The following FTO variants were observed in gnomAD, a reference collection of about 807,000 sequenced individuals.
FTO encodes the protein FTO alpha-ketoglutarate dependent dioxygenase.
A neutral mutation model predicts 63.9 loss-of-function variants in FTO; 47 were observed. The observed-to-expected ratio is 0.74, with a 90% CI of 0.58 to 0.94. FTO has a LOEUF of 0.94. Ranked by LOEUF, FTO falls within the 40% of genes least tolerant of loss-of-function variation. FTO has a pLI of 0.00. For synonymous variants in FTO, 207 were observed against 224.4 expected (o/e 0.92, Z 0.69); for missense variants, 562 against 618.1 (o/e 0.91, Z 0.96).
At chr16:53,783,254 G>A (rs2077632987) in intron 1 of FTO, among the ~76,000 whole-genome samples, 1 of 152,040 alleles carries the variant, frequency 6.6e-6, no homozygotes, top group Non-Finnish European at 1.5e-5. Context: ...GCCTGAGGTG[G>A]GTGAATCATG....
rs886870600 is a variant in FTO, at chr16:53,904,036, T to C, written c.1239+15085T>C. ...CATATATAAACATAGACAATATACA[T>C]ATATGTTATCTATATACATGTGTAT... is the stretch of plus-strand genomic sequence containing the variant. On this transcript the variant is annotated intron_variant, in intron 7 of 8. Transcript: ENST00000471389. Among the ~76,000 whole-genome samples the C allele has an allele frequency of 1.4e-4, 22 of 151,860 alleles. 1 individual carries two copies. Among genetic ancestry groups the C allele is most frequent in the African/African-American group, 4.6e-4 (19 of 41,424 alleles).
At chr16:53,728,352 A>C (rs2076198276) in intron 1 of FTO, among the ~76,000 whole-genome samples, 1 of 152,158 alleles carries the variant, frequency 6.6e-6, no homozygotes, top group African/African-American at 2.4e-5. Flanking sequence ...ATTCTTGCTT[A>C]TGACATCACG....
At chr16:53,828,010 C>A (rs9923295) in intron 3 of FTO, among the ~76,000 whole-genome samples, 3 of 152,078 alleles carry the variant, frequency 2.0e-5, no homozygotes, top group South Asian at 2.1e-4. Flanking sequence ...TACTCCCTTC[C>A]CGTGGGTGAT....
intron 8 of FTO, among the ~76,000 whole-genome samples, chr16:54,077,541 C>G (rs1457462419): frequency 2.0e-5 from 3 of 152,148 alleles, no homozygotes; most frequent in African/African-American, 7.2e-5. Flanking sequence ...CTACTAACAT[C>G]AAAATGATGT....
At chr16:53,982,791 G>A (rs1288340320) in intron 8 of FTO, among the ~76,000 whole-genome samples, 2 of 152,210 alleles carry the variant, frequency 1.3e-5, no homozygotes, top group Admixed American at 6.5e-5. Context: ...GGTAAAGCTT[G>A]CAGTGTTAAG....
chr16:53,992,634 C>G (rs2083838076), intron 8 of FTO: 1 of 152,102 alleles, frequency 6.6e-6, no homozygotes, highest in South Asian at 2.1e-4. Context: ...ATGAACAATT[C>G]CTACCCTCCT....
At chr16:53,795,472 CGT>C (rs151115931) in intron 1 of FTO, among the ~76,000 whole-genome samples, 21 of 150,626 alleles carry the variant, frequency 1.4e-4, no homozygotes, top group African/African-American at 4.6e-4. Flanking sequence ...TGTGTGCGTG[CGT>C]GTGTGTGTGT....
intron 6 of FTO, among the ~76,000 whole-genome samples, chr16:53,880,825 C>T (rs778048861): frequency 1.3e-5 from 2 of 150,014 alleles, no homozygotes; most frequent in South Asian, 2.1e-4. Context: ...GGGACATGGC[C>T]GGGTGTGGTG....
rs140415406 is a variant in FTO, at chr16:53,947,528, A to G, written c.1364+13419A>G. ...CCCCTTACTGGTCTCCTACTTGGTA[A>G]TTTCTATCTTGCAAAAGCCCCTGGC... On this transcript the variant is annotated intron_variant, in intron 8 of 8. Coordinates refer to ENST00000471389, the MANE Select transcript of FTO (RefSeq NM_001080432.3). Among the ~76,000 whole-genome samples the G allele has an allele frequency of 2.0e-3, 299 of 151,090 alleles. 2 individuals carry two copies. The highest frequency in any genetic ancestry group is 6.5e-3 in the African/African-American group (263 of 40,478).
chr16:53,927,575 C>CAG (rs1031037741), intron 7 of FTO, among the ~76,000 whole-genome samples: 12 of 152,130 alleles, frequency 7.9e-5, no homozygotes, highest in Admixed American at 2.0e-4. Context: ...GCAGATCACC[C>CAG]AGAGAGAGAG....
intron 3 of FTO, among the ~76,000 whole-genome samples, chr16:53,826,977 T>C (rs761144198): frequency 6.6e-6 from 1 of 152,186 alleles, no homozygotes; most frequent in African/African-American, 2.4e-5. Flanking sequence ...TTGATGGGTG[T>C]GATTTGTCAA....
chr16:53,952,703 T>C (rs2143540478), intron 8 of FTO, among the ~76,000 whole-genome samples: 1 of 152,152 alleles, frequency 6.6e-6, no homozygotes, highest in East Asian at 1.9e-4. Context: ...TGTCAACAAA[T>C]GTGCTGAAAT....
chr16:53,788,602 C>CA (rs530568312), intron 1 of FTO, among the ~76,000 whole-genome samples: 3,600 of 99,956 alleles, frequency 0.036, 74 homozygotes, highest in South Asian at 0.1. Context: ...GACTCTGTCT[C>CA]AAAAAAAAAA....
intron 4 of FTO, among the ~76,000 whole-genome samples, chr16:53,863,674 T>TACTCA (rs2151859010): frequency 6.6e-6 from 1 of 152,256 alleles, no homozygotes; most frequent in African/African-American, 2.4e-5. Context: ...CTACAGTGAG[T>TACTCA]ATCACAGGTT....
At chr16:53,911,834 G>A (rs1225583640) in intron 7 of FTO, among the ~76,000 whole-genome samples, 1 of 152,210 alleles carries the variant, frequency 6.6e-6, no homozygotes, top group Non-Finnish European at 1.5e-5. Flanking sequence ...GGCTCTGGCC[G>A]TGGTTTTGCA....
At chr16:53,839,641 C>T (rs2151807669) in intron 3 of FTO, among the ~76,000 whole-genome samples, 1 of 152,184 alleles carries the variant, frequency 6.6e-6, no homozygotes, top group East Asian at 1.9e-4. Context: ...GGAAAGTAGT[C>T]AAGCAGACTG....
At chr16:53,821,593 G>A (rs968830704) in intron 2 of FTO, among the ~76,000 whole-genome samples, 2 of 152,186 alleles carry the variant, frequency 1.3e-5, no homozygotes, top group African/African-American at 4.8e-5. Flanking sequence ...ATAGTGGTAT[G>A]CCACATGACT....
At chr16:53,887,910 C>T (rs966473486) in intron 6 of FTO, 3 of 151,956 alleles carry the variant, frequency 2.0e-5, no homozygotes, top group African/African-American at 7.2e-5. Flanking sequence ...CTCCTCCTGG[C>T]CCATGGGTAA....
At chr16:54,018,300 C>G (rs1175888480) in intron 8 of FTO, among the ~76,000 whole-genome samples, 1 of 152,000 alleles carries the variant, frequency 6.6e-6, no homozygotes, top group Non-Finnish European at 1.5e-5. Flanking sequence ...TAAAATCTCA[C>G]CAGTAATATA....
Sources: allele counts gnomAD v4.1 joint callset (sites outside exome capture counted in the v4.1 genomes callset), GRCh38; gene constraint gnomAD v4.1.1; transcripts MANE v1.5; gene names NCBI Gene and HGNC (gene_info 2026-07-23, HGNC 2026-07-21).